The following PTGES3L variants were observed in gnomAD, a reference collection of about 807,000 sequenced individuals.
PTGES3L encodes the protein prostaglandin E synthase 3 like.
PTGES3L carries 17 observed loss-of-function variants against 25.0 expected under a neutral mutation model. The observed-to-expected ratio is 0.68, with a 90% CI of 0.47 to 1.02. PTGES3L has a LOEUF of 1.02. Ranked by LOEUF, PTGES3L falls within the 50% of genes least tolerant of loss-of-function variation. The pLI is 0.00. For missense variants in PTGES3L, 202 were observed against 197.5 expected (o/e 1.02, Z -0.14); for synonymous variants, 59 against 65.7 (o/e 0.90, Z 0.50).
At chr17:42,979,524 A>G (rs776604193) in intron 2 of PTGES3L, 26 bp downstream of exon 2, 39 of 1,614,132 alleles carry the variant, frequency 2.4e-5, no homozygotes, top group Non-Finnish European at 3.3e-5. Flanking sequence ...CTGGGAAGCC[A>G]GGCCCTCGGA....
At chr17:42,973,007 GGCC>G (rs1461928197) in intron 4 of PTGES3L, among the ~76,000 whole-genome samples, 2 of 148,150 alleles carry the variant, frequency 1.3e-5, no homozygotes, top group Non-Finnish European at 3.0e-5. Flanking sequence ...GCCTCTGCCC[GGCC>G]GCGACCCCGT....
At chr17:42,969,634 A>G (rs2049796937) in intron 6 of PTGES3L, among the ~76,000 whole-genome samples, 1 of 151,620 alleles carries the variant, frequency 6.6e-6, no homozygotes, top group African/African-American at 2.4e-5. Flanking sequence ...ACTGCTGAGC[A>G]CAAGTGATCC....
chr17:42,979,837 G>C, intron 1 of PTGES3L, 174 bp from the exon 2 acceptor site: 1 of 1,436,894 alleles, frequency 7.0e-7, no homozygotes, highest in Non-Finnish European at 9.2e-7. Flanking sequence ...TGGTGAATGT[G>C]AACCTGGGAA....
rs770119542 is a variant in PTGES3L at position 42,979,273 on chromosome 17, C to T, written c.190-5G>A. ...AGAGCGCTTATCCTGGGAGTCCTGC[C>T]AGATAGAGAGCCTCATTCTTAGGGT... On this transcript the variant is annotated splice_region_variant and splice_polypyrimidine_tract_variant and intron_variant, in intron 3 of 6. Coordinates refer to ENST00000591916, the MANE Select transcript of PTGES3L (RefSeq NM_001261430.2). 1.9e-6 allele frequency: 3 copies of T among 1,614,008 alleles called. No individual in the cohort carries two copies. The highest frequency in any genetic ancestry group is 2.2e-5 in the East Asian group (1 of 44,858).
rs1175422658 is a variant in PTGES3L at position 42,971,624 on chromosome 17, C to A, written c.361G>T (p.Val121Leu). The change falls in exon 5 of 7, where the codon GTG becomes TTG. Residue 121 changes from valine (V) to leucine (L), a missense_variant. Transcript: ENST00000591916. ...EGDEEMELAHVEHYAELLKKV... is the reference protein window; with the variant it reads ...EGDEEMELAHLEHYAELLKKV... ...TCTCTCACCTCTGCATAATGTTCCA[C>A]ATGAGCCAGCTCCATCTCTTCATCC... is the stretch of plus-strand genomic sequence containing the variant. 1 of 1,614,062 alleles carries A rather than the reference C, an allele frequency of 6.2e-7. No individual in the cohort carries two copies. Among genetic ancestry groups the A allele is most frequent in the African/African-American group, 1.3e-5 (1 of 75,028 alleles).
intron 4 of PTGES3L, among the ~76,000 whole-genome samples, chr17:42,973,843 G>A (rs1027731458): frequency 4.1e-4 from 59 of 144,332 alleles, no homozygotes; most frequent in Admixed American, 1.5e-3. Context: ...AGTAATCAGG[G>A]ACACAAACAC....
At chr17:42,973,403 C>T (rs1301151888) in intron 4 of PTGES3L, among the ~76,000 whole-genome samples, 14 of 146,068 alleles carry the variant, frequency 9.6e-5, no homozygotes, top group African/African-American at 3.3e-4. Flanking sequence ...CCAGCCGCCC[C>T]GTCCGGGAGG....
At chr17:42,975,295 C>T (rs1330636808) in intron 4 of PTGES3L, among the ~76,000 whole-genome samples, 1 of 152,006 alleles carries the variant, frequency 6.6e-6, no homozygotes, top group East Asian at 1.9e-4. Context: ...TCACAAGAAC[C>T]CAGGTTTCTG....
intron 4 of PTGES3L, 141 bp downstream of exon 4, chr17:42,979,029 G>A: frequency 1.2e-6 from 1 of 841,294 alleles, no homozygotes; most frequent in Non-Finnish European, 1.9e-6. Context: ...AAAATAAAAA[G>A]AGAGACTAAT....
intron 5 of PTGES3L, among the ~76,000 whole-genome samples, chr17:42,970,676 G>GCGCGCGCACACACACACACA (rs1490786473): frequency 6.9e-6 from 1 of 144,090 alleles, no homozygotes; most frequent in African/African-American, 2.6e-5. Flanking sequence ...CTTAACACGC[G>GCGCGCGCACACACACACACA]CACACACACA....
intron 5 of PTGES3L, among the ~76,000 whole-genome samples, chr17:42,970,700 A>G (rs1290079804): frequency 9.3e-5 from 14 of 151,112 alleles, no homozygotes; most frequent in East Asian, 1.9e-4. Flanking sequence ...ACACACACAC[A>G]CACACACACA....
chr17:42,977,135 A>C (rs2049968499), intron 4 of PTGES3L, among the ~76,000 whole-genome samples: 1 of 152,042 alleles, frequency 6.6e-6, no homozygotes, highest in Non-Finnish European at 1.5e-5. Context: ...TACTAAAAAT[A>C]CAAAAAATTA....
chr17:42,979,068 C>T, intron 4 of PTGES3L, 102 bp downstream of exon 4: 1 of 1,193,274 alleles, frequency 8.4e-7, no homozygotes, highest in Non-Finnish European at 1.3e-6. Flanking sequence ...TTAGGCAGGA[C>T]TTGTTGAGTG....
rs748086621 is a variant in PTGES3L at position 42,979,410 on chromosome 17, C to T, written c.157G>A (p.Glu53Lys). The change falls in exon 3 of 7, where the codon GAG becomes AAG. Residue 53 changes from glutamate (E) to lysine (K), a missense_variant. By Grantham distance (56) the Glu-to-Lys change is moderately conservative. Coordinates refer to ENST00000591916, the MANE Select transcript of PTGES3L (RefSeq NM_001261430.2). ...TTCACTTTGGCATAGAACTCAATCT[C>T]ATTGTACAACTCCACTCCATCGGCA... ...KNADGVELYN[E>K]IEFYAKVNSK... 2.5e-6 allele frequency: 4 copies of T among 1,614,168 alleles called. No individual in the cohort carries two copies. The South Asian group carries it at 4.4e-5, about 18-fold the overall frequency.
In PTGES3L at chr17:42,968,841, C is replaced by T. The variant is rs933626226; in HGVS notation, c.*307G>A. Reference sequence around the variant, plus strand: ...CATTCTTCTTTGGCTTTTGTTTTGCCACATACACACACATACTCAAATAAT... The same window carrying T: ...CATTCTTCTTTGGCTTTTGTTTTGCTACATACACACACATACTCAAATAAT... On this transcript the variant is annotated 3_prime_UTR_variant, in exon 7 of 7. Transcript: ENST00000591916. The T allele has an allele frequency of 6.1e-5, 20 of 325,268 alleles. No individual in the cohort carries two copies. The highest frequency in any genetic ancestry group is 4.8e-4 in the South Asian group (4 of 8,388). 20.1% of individuals were successfully genotyped at this position (325,268 alleles called of 1,614,324 possible).
intron 2 of PTGES3L, 38 bp from the exon 3 acceptor site, chr17:42,979,482 C>G (rs754701668): frequency 6.2e-7 from 1 of 1,614,180 alleles, no homozygotes; most frequent in East Asian, 2.2e-5. Context: ...GCGGAATACT[C>G]CGTGTGGGGA....
rs1567721571 is a variant in PTGES3L, at chr17:42,969,195, G to GA, written c.433-10_433-9insT. 10 of 1,292,020 alleles carry GA rather than the reference G, an allele frequency of 7.7e-6. No individual in the cohort carries two copies. The highest frequency in any genetic ancestry group is 3.8e-5 in the African/African-American group (1 of 26,582). The allele number at this position is 1,292,020 out of a possible 1,614,324, so 80.0% of individuals were successfully genotyped here. ...GCACTGTCAGAATCATCCTGGGGGC[G>GA]GGGGGGAAAAAAGACAAAGCACCTG... On this transcript the variant is annotated splice_polypyrimidine_tract_variant and intron_variant, in intron 6 of 6. Transcript: ENST00000591916.
At chr17:42,979,716 G>A in intron 1 of PTGES3L, 53 bp from the exon 2 acceptor site, 1 of 1,589,582 alleles carries the variant, frequency 6.3e-7, no homozygotes, top group Non-Finnish European at 8.6e-7. Flanking sequence ...GAAGACTGAG[G>A]TCATTTGGGA....
chr17:42,980,012 G>C, intron 1 of PTGES3L, 34 bp downstream of exon 1: 6 of 1,541,026 alleles, frequency 3.9e-6, no homozygotes, highest in Non-Finnish European at 5.3e-6. Context: ...CAGGGAAAAG[G>C]GCCAGGGGGA....
Sources: gnomAD v4.1 joint callset for allele counts (sites outside exome capture counted in the v4.1 genomes callset) on GRCh38, gnomAD v4.1.1 for gene constraint, MANE v1.5 for transcripts, NCBI Gene and HGNC (gene_info 2026-07-23, HGNC 2026-07-21) for gene names.